CDIN1: variants seen among roughly 807,000 people sequenced by gnomAD.
The protein encoded by CDIN1 is CDAN1 interacting nuclease 1, also known as CDAN1-interacting nuclease 1.
A neutral mutation model predicts 45.3 loss-of-function variants in CDIN1; 33 were observed. That is an observed-to-expected ratio of 0.73 (90% CI 0.55 to 0.97). The LOEUF (loss-of-function observed/expected upper bound fraction) is 0.97. CDIN1 is among the 50% of genes least tolerant of loss of function. The pLI, the probability that CDIN1 is intolerant of heterozygous loss-of-function variation, is 0.00. For synonymous variants in CDIN1, 118 were observed against 124.4 expected (o/e 0.95, Z 0.34); for missense variants, 303 against 339.4 (o/e 0.89, Z 0.84).
intron 10 of CDIN1, among the ~76,000 whole-genome samples, chr15:36,777,442 CCT>C (rs2054249321): frequency 6.6e-6 from 1 of 151,490 alleles, no homozygotes; most frequent in Non-Finnish European, 1.5e-5. Flanking sequence ...CCATTCCCTC[CCT>C]CTCCCTGTTT....
At chr15:36,718,513 C>T (rs1400223602) in intron 10 of CDIN1, among the ~76,000 whole-genome samples, 1 of 152,012 alleles carries the variant, frequency 6.6e-6, no homozygotes, top group African/African-American at 2.4e-5. Flanking sequence ...TTATTTAGGT[C>T]TTTTAACATT....
intron 1 of CDIN1, among the ~76,000 whole-genome samples, chr15:36,606,379 TGA>T (rs2038380293): frequency 6.6e-6 from 1 of 152,022 alleles, no homozygotes; most frequent in African/African-American, 2.4e-5. Flanking sequence ...TTGAAGTGAA[TGA>T]GAATAAGGGA....
intron 1 of CDIN1, chr15:36,613,490 A>G (rs2038744844): frequency 1.3e-6 from 2 of 1,550,352 alleles, no homozygotes; most frequent in African/African-American, 1.4e-5. Context: ...GATCACCACC[A>G]TCAAGGCGGT....
chr15:36,709,404 G>A lies in CDIN1; in HGVS notation c.610+116G>A, dbSNP rs75353796. ...ATAAATGGGTGGATAATTGGAAAAT[G>A]TTACTTTTAAACAGCAGAAAATAAT... is the stretch of plus-strand genomic sequence containing the variant. On this transcript the variant is annotated intron_variant, in intron 9 of 10. Transcript: ENST00000566621. The A allele has an allele frequency of 7.2e-4, 487 of 676,392 alleles. 2 individuals carry two copies. In the African/African-American group the frequency reaches 7.3e-3, roughly 10 times the overall value. The allele number at this position is 676,392 out of a possible 1,614,324, so 41.9% of individuals were successfully genotyped here. A position where few individuals can be genotyped will look rare whatever the true frequency, so the allele number is the denominator to read the frequency against.
At chr15:36,739,683 T>C (rs933997600) in intron 10 of CDIN1, among the ~76,000 whole-genome samples, 10 of 152,256 alleles carry the variant, frequency 6.6e-5, no homozygotes, top group African/African-American at 2.4e-4. Flanking sequence ...AAATTAATTA[T>C]GCAAATATTC....
intron 10 of CDIN1, among the ~76,000 whole-genome samples, chr15:36,738,482 C>T (rs1192903169): frequency 1.3e-5 from 2 of 152,132 alleles, no homozygotes; most frequent in Admixed American, 6.6e-5. Flanking sequence ...GGCCCTAGAT[C>T]GTTCTGCCCC....
chr15:36,593,101 C>T (rs984803792), intron 1 of CDIN1, among the ~76,000 whole-genome samples: 2 of 152,132 alleles, frequency 1.3e-5, no homozygotes, highest in African/African-American at 2.4e-5. Flanking sequence ...ATGATTAGCA[C>T]GGTTCCTGAT....
At chr15:36,590,680 G>A (rs1169049875) in intron 1 of CDIN1, among the ~76,000 whole-genome samples, 1 of 152,092 alleles carries the variant, frequency 6.6e-6, no homozygotes, top group Admixed American at 6.5e-5. Flanking sequence ...GTTAAGGCCT[G>A]TCATTTGTTC....
chr15:36,667,407 A>G (rs967922055), intron 5 of CDIN1, among the ~76,000 whole-genome samples: 5 of 152,238 alleles, frequency 3.3e-5, no homozygotes, highest in African/African-American at 1.2e-4. Context: ...TGACATAATT[A>G]GGTGTAGCAC....
intron 10 of CDIN1, among the ~76,000 whole-genome samples, chr15:36,803,876 C>A (rs1175451844): frequency 1.3e-5 from 2 of 152,204 alleles, no homozygotes; most frequent in Non-Finnish European, 2.9e-5. Context: ...AAATATGACA[C>A]CAGAACTCTC....
intron 10 of CDIN1, among the ~76,000 whole-genome samples, chr15:36,742,940 G>A (rs11637547): frequency 0.11 from 16,733 of 152,212 alleles, 952 homozygotes; most frequent in African/African-American, 0.13. Flanking sequence ...AAGCCAGAGG[G>A]AGTGGGAAGA....
intron 10 of CDIN1, among the ~76,000 whole-genome samples, chr15:36,737,456 T>G (rs1043892215): frequency 7.2e-5 from 11 of 152,170 alleles, no homozygotes; most frequent in African/African-American, 2.7e-4. Context: ...GAGGTTTCAT[T>G]TGTGTGTGCC....
At chr15:36,739,382 G>T (rs1451283543) in intron 10 of CDIN1, among the ~76,000 whole-genome samples, 1 of 152,058 alleles carries the variant, frequency 6.6e-6, no homozygotes. Flanking sequence ...TGAAGCCTAG[G>T]CAATAGAGTG....
chr15:36,655,908 C>T, intron 4 of CDIN1, among the ~76,000 whole-genome samples: 1 of 151,922 alleles, frequency 6.6e-6, no homozygotes, highest in East Asian at 1.9e-4. Context: ...TTTAGCTGAC[C>T]TCAGTTTCAG....
chr15:36,630,450 A>G (rs1014775012), intron 1 of CDIN1, among the ~76,000 whole-genome samples: 2 of 152,222 alleles, frequency 1.3e-5, no homozygotes, highest in African/African-American at 2.4e-5. Flanking sequence ...CAGTTTACAG[A>G]CGGTGGAATT....
chr15:36,600,300 C>T (rs141296129), intron 1 of CDIN1, among the ~76,000 whole-genome samples: 87 of 152,264 alleles, frequency 5.7e-4, no homozygotes, highest in African/African-American at 2.0e-3. Flanking sequence ...GAAAAGGGGC[C>T]CTGTGTGGAG....
At chr15:36,737,167 C>CAA (rs965614774) in intron 10 of CDIN1, among the ~76,000 whole-genome samples, 1,395 of 98,426 alleles carry the variant, frequency 0.014, 29 homozygotes, top group African/African-American at 0.047. Context: ...GACCCGGTCT[C>CAA]AAAAAAAAAA....
intron 5 of CDIN1, among the ~76,000 whole-genome samples, chr15:36,660,855 A>G (rs1414067215): frequency 6.6e-6 from 1 of 152,170 alleles, no homozygotes; most frequent in Admixed American, 6.5e-5. Flanking sequence ...TTACTACATA[A>G]AGCTGGTCCT....
intron 5 of CDIN1, among the ~76,000 whole-genome samples, chr15:36,683,077 A>T (rs2041913599): frequency 6.6e-6 from 1 of 152,250 alleles, no homozygotes; most frequent in Non-Finnish European, 1.5e-5. Flanking sequence ...ATGTAAAACA[A>T]CAAAGATGTT....
Sources: gnomAD v4.1 joint callset for allele counts (sites outside exome capture counted in the v4.1 genomes callset) on GRCh38, gnomAD v4.1.1 for gene constraint, MANE v1.5 for transcripts, NCBI Gene and HGNC (gene_info 2026-07-23, HGNC 2026-07-21) for gene names.